The following CRTC3 variants were observed in gnomAD, a reference collection of about 807,000 sequenced individuals.
CRTC3 encodes CREB-regulated transcription coactivator 3.
CRTC3 carries 26 observed loss-of-function variants against 74.5 expected under a neutral mutation model. The ratio of observed to expected loss-of-function variants is 0.35; its 90% confidence interval spans 0.26 to 0.48. The LOEUF is 0.48. CRTC3 is among the 20% of genes least tolerant of loss of function. The probability of loss-of-function intolerance (pLI) is 0.99; values close to 1 mark genes in which losing one functional copy is unlikely to be tolerated. For missense variants in CRTC3, 760 were observed against 787.3 expected (o/e 0.97, Z 0.41); for synonymous variants, 377 against 325.8 (o/e 1.16, Z -1.69).
rs142847378 is a variant in CRTC3 at position 90,613,252 on chromosome 15, C to A, written c.578-1201C>A. Among the ~76,000 whole-genome samples, 742 of 150,510 alleles carry A rather than the reference C, an allele frequency of 4.9e-3. 14 individuals are homozygous for A. The highest frequency in any genetic ancestry group is 0.017 in the African/African-American group (705 of 41,012). On this transcript the variant is annotated intron_variant, in intron 6 of 14. Coordinates refer to ENST00000268184, the MANE Select transcript of CRTC3 (RefSeq NM_022769.5). ...ACTCTCACACCTTCTGAATCAAAAT[C>A]TTTGAGGGTTGGGCCCAAGAATCTG... is the stretch of plus-strand genomic sequence containing the variant.
Position 90,607,405 on chromosome 15 carries a change from G to T in CRTC3, c.504G>T (p.Thr168=). The T allele has an allele frequency of 6.2e-7, 1 of 1,612,954 alleles. No homozygotes were observed. Among genetic ancestry groups the T allele is most frequent in the Non-Finnish European group, 8.5e-7 (1 of 1,179,442 alleles). The part of the protein sequence containing the change: ...NRTNSDSALH[T]SALSTKPQDP... ...CCAATTCTGATTCTGCTCTTCACAC[G>T]AGTGCTCTGAGTACCAAGCCCCAGG... Residue 168 remains threonine (T), a synonymous_variant, in exon 6 of 15, where the codon ACG becomes ACT. Transcript: ENST00000268184.
chr15:90,539,019 G>A (rs1396295117), intron 1 of CRTC3, among the ~76,000 whole-genome samples: 5 of 152,186 alleles, frequency 3.3e-5, no homozygotes, highest in Admixed American at 3.3e-4. Context: ...AAGTGTCCGA[G>A]AACAGCACCT....
intron 1 of CRTC3, among the ~76,000 whole-genome samples, chr15:90,534,697 G>A (rs765482466): frequency 3.3e-5 from 5 of 152,216 alleles, no homozygotes; most frequent in Non-Finnish European, 7.3e-5. Flanking sequence ...GGCACCAGTT[G>A]CCTGGAGCTG....
At chr15:90,551,893 TA>T (rs68044772) in intron 2 of CRTC3, among the ~76,000 whole-genome samples, 417 of 5,548 alleles carry the variant, frequency 0.075, no homozygotes, top group African/African-American at 0.1. Context: ...GGGTGTGTGG[TA>T]AGGCGCGCCC....
In CRTC3 at chr15:90,579,634, C is replaced by CTTTTTTTTTTTT. The variant is rs146273285; in HGVS notation, c.232-13988_232-13977dup. 1.5e-4 allele frequency among the ~76,000 whole-genome samples: 13 copies of CTTTTTTTTTTTT among 84,198 alleles called. 1 individual carries two copies. Among genetic ancestry groups the CTTTTTTTTTTTT allele is most frequent in the African/African-American group, 4.3e-4 (9 of 21,176 alleles). The allele number at this position is 84,198 out of a possible 152,430, so 55.2% of individuals were successfully genotyped here. A position where few individuals can be genotyped will look rare whatever the true frequency, so the allele number is the denominator to read the frequency against. ...GATTACATGGAGTAAACGTATTTCACTTTTTTTTTTTTTTTTTTTTTTTTT... is the reference window on the plus strand; with the variant it reads ...GATTACATGGAGTAAACGTATTTCACTTTTTTTTTTTTTTTTTTTTTTTTTTTTTTTTTTTTT... On this transcript the variant is annotated intron_variant, in intron 2 of 14. Transcript: ENST00000268184.
At chr15:90,622,151 G>T (rs1968672494) in intron 9 of CRTC3, among the ~76,000 whole-genome samples, 2 of 152,196 alleles carry the variant, frequency 1.3e-5, no homozygotes, top group Admixed American at 1.3e-4. Flanking sequence ...AGTTCAAGGA[G>T]GCTTGTATTG....
intron 2 of CRTC3, among the ~76,000 whole-genome samples, chr15:90,546,958 A>C (rs1966845355): frequency 6.6e-6 from 1 of 152,234 alleles, no homozygotes; most frequent in African/African-American, 2.4e-5. Flanking sequence ...ATTGCATTGA[A>C]TCTATAGATA....
intron 6 of CRTC3, among the ~76,000 whole-genome samples, chr15:90,610,161 T>A (rs1968324000): frequency 6.6e-6 from 1 of 152,250 alleles, no homozygotes; most frequent in East Asian, 1.9e-4. Context: ...CTGTGTTTCA[T>A]TAAAGTTTTT....
chr15:90,538,923 C>T (rs1180588855), intron 1 of CRTC3, among the ~76,000 whole-genome samples: 1 of 152,166 alleles, frequency 6.6e-6, no homozygotes, highest in Non-Finnish European at 1.5e-5. Flanking sequence ...CACTGAACTT[C>T]CGAGTCTGGG....
intron 2 of CRTC3, among the ~76,000 whole-genome samples, chr15:90,552,122 C>T (rs1410322115): frequency 2.0e-5 from 3 of 152,286 alleles, no homozygotes; most frequent in Admixed American, 6.5e-5. Flanking sequence ...GTTTCCCGAG[C>T]GCCTGCTGTG....
At chr15:90,635,910 TACAA>T (rs903298465) in intron 11 of CRTC3, among the ~76,000 whole-genome samples, 29 of 152,024 alleles carry the variant, frequency 1.9e-4, no homozygotes, top group Non-Finnish European at 3.8e-4. Flanking sequence ...TAAAAGAGGA[TACAA>T]ACAAATGGAA....
chr15:90,576,597 A>G (rs932634527), intron 2 of CRTC3, among the ~76,000 whole-genome samples: 7 of 152,192 alleles, frequency 4.6e-5, no homozygotes, highest in African/African-American at 1.7e-4. Context: ...GAACCCCAGC[A>G]CTAAAGGATG....
chr15:90,554,881 G>A (rs1363339129), intron 2 of CRTC3, among the ~76,000 whole-genome samples: 2 of 152,156 alleles, frequency 1.3e-5, no homozygotes, highest in Admixed American at 6.5e-5. Flanking sequence ...AAGTACCAAT[G>A]GTTGGGAATT....
At chr15:90,533,799 ACCTGTATGGTAGGGAATTCTCACCTCTT>A in intron 1 of CRTC3, among the ~76,000 whole-genome samples, 1 of 152,142 alleles carries the variant, frequency 6.6e-6, no homozygotes, top group South Asian at 2.1e-4. Context: ...GGAGCTCTGG[ACCTGTATGGTAGGGAATTCTCACCTCTT>A]CCAGTGGCCT....
At chr15:90,621,735 G>T (rs1195773151) in intron 9 of CRTC3, among the ~76,000 whole-genome samples, 1 of 152,202 alleles carries the variant, frequency 6.6e-6, no homozygotes, top group African/African-American at 2.4e-5. Flanking sequence ...GAGCCACCAT[G>T]CCTGGCCAAC....
chr15:90,537,453 G>T (rs1009945708), intron 1 of CRTC3, among the ~76,000 whole-genome samples: 9 of 152,100 alleles, frequency 5.9e-5, no homozygotes, highest in Non-Finnish European at 1.3e-4. Context: ...GCGCCATCTC[G>T]GCTCACGGCA....
intron 2 of CRTC3, among the ~76,000 whole-genome samples, chr15:90,580,588 C>T (rs772608106): frequency 6.6e-6 from 1 of 151,956 alleles, no homozygotes; most frequent in Non-Finnish European, 1.5e-5. Context: ...CATGACCACA[C>T]CCAGCTAATT....
At position 90,635,634 on chromosome 15, in the gene CRTC3, GACTCTGTCTCCAGAAAA is replaced by G. The variant is rs934048709; in HGVS notation, c.1267-2793_1267-2777del. 2.3e-4 allele frequency among the ~76,000 whole-genome samples: 35 copies of G among 151,814 alleles called. 1 individual carries two copies. The highest frequency in any genetic ancestry group is 7.7e-4 in the East Asian group (4 of 5,174). On this transcript the variant is annotated intron_variant, in intron 11 of 14. Transcript: ENST00000268184. ...CACTCCAGCTTGGGTGACAGAGCAA[GACTCTGTCTCCAGAAAA>G]ACTCTGTCTCCAGAAAAAAAGATTT...
At chr15:90,620,507 A>T (rs894445307) in intron 9 of CRTC3, among the ~76,000 whole-genome samples, 1 of 152,096 alleles carries the variant, frequency 6.6e-6, no homozygotes, top group African/African-American at 2.4e-5. Context: ...GAACGAGGAG[A>T]TGAGAGAGAT....
Sources: gnomAD v4.1 joint callset for allele counts (sites outside exome capture counted in the v4.1 genomes callset) on GRCh38, gnomAD v4.1.1 for gene constraint, MANE v1.5 for transcripts, NCBI Gene and HGNC (gene_info 2026-07-23, HGNC 2026-07-21) for gene names.